The following CADPS2 variants were observed in gnomAD, a reference collection of about 807,000 sequenced individuals.
The protein encoded by CADPS2 is calcium dependent secretion activator 2.
A neutral mutation model predicts 172.5 loss-of-function variants in CADPS2; 93 were observed. The observed-to-expected ratio is 0.54, with a 90% CI of 0.46 to 0.64. CADPS2 has a LOEUF of 0.64. CADPS2 is among the 30% of genes least tolerant of loss of function. The pLI, the probability that CADPS2 is intolerant of heterozygous loss-of-function variation, is 0.00. For synonymous variants in CADPS2, 546 were observed against 555.2 expected (o/e 0.98, Z 0.23); for missense variants, 1,420 against 1,565.9 (o/e 0.91, Z 1.57).
intron 27 of CADPS2, among the ~76,000 whole-genome samples, chr7:122,353,568 C>T (rs187358477): frequency 2.0e-5 from 3 of 152,224 alleles, no homozygotes; most frequent in East Asian, 1.9e-4. Flanking sequence ...TGGTATGCAG[C>T]GTGTGTGATA....
At chr7:122,400,723 C>A (rs1406398285) in intron 20 of CADPS2, among the ~76,000 whole-genome samples, 1 of 152,184 alleles carries the variant, frequency 6.6e-6, no homozygotes, top group Non-Finnish European at 1.5e-5. Context: ...TTGCTGCAAT[C>A]TAGATGTTAT....
chr7:122,824,993 GA>G (rs1804473235), intron 1 of CADPS2, among the ~76,000 whole-genome samples: 2 of 151,734 alleles, frequency 1.3e-5, no homozygotes, highest in East Asian at 3.9e-4. Flanking sequence ...CCAAGGAAAC[GA>G]AAAAAGTAAC....
At chr7:122,601,662 T>G (rs2072801992) in intron 6 of CADPS2, among the ~76,000 whole-genome samples, 1 of 152,054 alleles carries the variant, frequency 6.6e-6, no homozygotes, top group Admixed American at 6.6e-5. Flanking sequence ...CCTGTAATTT[T>G]AATTTGGAAG....
chr7:122,623,781 C>T (rs894330718), intron 4 of CADPS2, among the ~76,000 whole-genome samples: 10 of 152,206 alleles, frequency 6.6e-5, no homozygotes, highest in Non-Finnish European at 7.4e-5. Flanking sequence ...ATGAAAATCA[C>T]AATTCTACCC....
At chr7:122,737,165 C>G in intron 1 of CADPS2, 97 bp from the exon 2 acceptor site, 1 of 644,378 alleles carries the variant, frequency 1.6e-6, no homozygotes, top group East Asian at 2.8e-5. Flanking sequence ...GATTTCACAT[C>G]TAGAATTAAC....
At chr7:122,768,183 C>T (rs1053118181) in intron 1 of CADPS2, among the ~76,000 whole-genome samples, 9 of 152,048 alleles carry the variant, frequency 5.9e-5, no homozygotes, top group Non-Finnish European at 8.8e-5. Flanking sequence ...GACAAGCATC[C>T]AACATATATT....
At chr7:122,355,889 G>A (rs554079549) in intron 27 of CADPS2, among the ~76,000 whole-genome samples, 71 of 152,244 alleles carry the variant, frequency 4.7e-4, no homozygotes, top group Non-Finnish European at 6.0e-4. Context: ...TAACAGTAAG[G>A]TATTATTAAG....
chr7:122,640,786 T>A (rs2077551369), intron 3 of CADPS2, among the ~76,000 whole-genome samples: 1 of 151,910 alleles, frequency 6.6e-6, no homozygotes. Flanking sequence ...TACAAAAAAT[T>A]AGCCGGACTT....
chr7:122,323,871 TTTTATA>T lies in CADPS2; in HGVS notation c.3717+1600_3717+1605del, dbSNP rs1392831952. Among the ~76,000 whole-genome samples the T allele has an allele frequency of 1.2e-3, 140 of 117,092 alleles. 2 individuals carry two copies. Among genetic ancestry groups the T allele is most frequent in the Admixed American group, 1.6e-3 (16 of 9,928 alleles). 76.8% of individuals were successfully genotyped at this position (117,092 alleles called of 152,430 possible). ...TATGCATATTATATACATATGTATA[TTTTATA>T]TATATATATATATATATATATATAT... On this transcript the variant is annotated intron_variant, in intron 29 of 29. Coordinates refer to ENST00000449022, the MANE Select transcript of CADPS2 (RefSeq NM_017954.11).
At chr7:122,340,137 G>C (rs966499513) in intron 28 of CADPS2, among the ~76,000 whole-genome samples, 1 of 151,792 alleles carries the variant, frequency 6.6e-6, no homozygotes, top group African/African-American at 2.4e-5. Flanking sequence ...GAAAGTCCTG[G>C]GAAATTAAGC....
intron 28 of CADPS2, among the ~76,000 whole-genome samples, chr7:122,335,528 C>T (rs1344578625): frequency 6.6e-6 from 1 of 152,048 alleles, no homozygotes; most frequent in East Asian, 1.9e-4. Context: ...GTTATGTAGC[C>T]AGTGAGAGAA....
chr7:122,452,788 G>C (rs1364866323), intron 14 of CADPS2, among the ~76,000 whole-genome samples: 2 of 152,028 alleles, frequency 1.3e-5, no homozygotes, highest in Non-Finnish European at 2.9e-5. Flanking sequence ...ATATAAAATA[G>C]GTAGAAACAG....
chr7:122,791,649 C>T (rs1795320428), intron 1 of CADPS2, among the ~76,000 whole-genome samples: 1 of 152,106 alleles, frequency 6.6e-6, no homozygotes, highest in African/African-American at 2.4e-5. Flanking sequence ...ACCATGGCAA[C>T]ACAGGATAAA....
chr7:122,822,318 C>T (rs1803551924), intron 1 of CADPS2, among the ~76,000 whole-genome samples: 2 of 152,142 alleles, frequency 1.3e-5, no homozygotes, highest in African/African-American at 4.8e-5. Flanking sequence ...ACCAATCATT[C>T]TATAAGACAA....
intron 11 of CADPS2, among the ~76,000 whole-genome samples, chr7:122,484,836 G>A (rs1178291767): frequency 2.6e-5 from 4 of 151,960 alleles, no homozygotes; most frequent in Non-Finnish European, 5.9e-5. Context: ...TTGAAAGTTC[G>A]TGGCAACCCT....
intron 1 of CADPS2, among the ~76,000 whole-genome samples, chr7:122,758,731 C>G (rs1191043572): frequency 2.6e-5 from 4 of 152,056 alleles, no homozygotes; most frequent in Non-Finnish European, 5.9e-5. Context: ...GCTAAGCTAC[C>G]TTTCAGAATT....
chr7:122,871,335 G>T (rs1033010778), intron 1 of CADPS2, among the ~76,000 whole-genome samples: 3 of 151,712 alleles, frequency 2.0e-5, no homozygotes, highest in Non-Finnish European at 4.4e-5. Context: ...CTATTTGCAG[G>T]ATACTTCATG....
chr7:122,510,091 A>T (rs1330312384), intron 9 of CADPS2, among the ~76,000 whole-genome samples: 1 of 152,148 alleles, frequency 6.6e-6, no homozygotes, highest in Non-Finnish European at 1.5e-5. Context: ...ACAATATATT[A>T]AAGTATCTTA....
At chr7:122,328,161 GCACGCA>G (rs2034268867) in intron 28 of CADPS2, among the ~76,000 whole-genome samples, 1 of 32,164 alleles carries the variant, frequency 3.1e-5, no homozygotes, top group Admixed American at 2.9e-4. Flanking sequence ...ACACACACAC[GCACGCA>G]CACACCTTAA....
Sources: gnomAD v4.1 joint callset for allele counts (sites outside exome capture counted in the v4.1 genomes callset) on GRCh38, gnomAD v4.1.1 for gene constraint, MANE v1.5 for transcripts, NCBI Gene and HGNC (gene_info 2026-07-23, HGNC 2026-07-21) for gene names.